Variants in ACSS3 observed in about 807,000 individuals in gnomAD.
ACSS3 encodes acyl-CoA synthetase short-chain family member 3, mitochondrial.
A neutral mutation model predicts 84.2 loss-of-function variants in ACSS3; 64 were observed. That is an observed-to-expected ratio of 0.76 (90% CI 0.62 to 0.94). The LOEUF (loss-of-function observed/expected upper bound fraction) is 0.94, where lower values mean the gene tolerates loss of function less well. ACSS3 is among the 40% of genes least tolerant of loss of function. ACSS3 has a pLI of 0.00. For missense variants in ACSS3, 815 were observed against 867.6 expected (o/e 0.94, Z 0.76); for synonymous variants, 317 against 310.1 (o/e 1.02, Z -0.23).
chr12:81,085,134 C>T lies in ACSS3; in HGVS notation c.311+6703C>T, dbSNP rs116106677. ...GAAGGGAATTTTGCTTGTTTTGAAG[C>T]CTACTGCTCAACAGGACTCCTTGTT... On this transcript the variant is annotated intron_variant, in intron 1 of 15. Transcript: ENST00000548058. Among the ~76,000 whole-genome samples the T allele has an allele frequency of 4.8e-4, 73 of 152,260 alleles. 1 individual carries two copies. The highest frequency in any genetic ancestry group is 1.7e-3 in the African/African-American group (69 of 41,558).
chr12:81,111,047 G>A (rs1053870407), intron 2 of ACSS3, among the ~76,000 whole-genome samples: 7 of 152,144 alleles, frequency 4.6e-5, no homozygotes, highest in Admixed American at 3.3e-4. Context: ...TTGCAAATAA[G>A]AGAGAAGAGT....
intron 11 of ACSS3, among the ~76,000 whole-genome samples, chr12:81,223,491 C>T (rs901097033): frequency 6.6e-6 from 1 of 151,996 alleles, no homozygotes; most frequent in Non-Finnish European, 1.5e-5. Context: ...TAATCCTGCT[C>T]CTTTCTAAAT....
intron 11 of ACSS3, among the ~76,000 whole-genome samples, chr12:81,220,293 A>G (rs1028121120): frequency 1.3e-5 from 2 of 152,080 alleles, no homozygotes; most frequent in Admixed American, 1.3e-4. Context: ...CAAATTTTGC[A>G]TATTTTTAAA....
At chr12:81,181,768 A>AAAAAAAAAAAAAAG (rs1555178623) in intron 8 of ACSS3, among the ~76,000 whole-genome samples, 3 of 143,608 alleles carry the variant, frequency 2.1e-5, no homozygotes, top group Admixed American at 1.4e-4. Context: ...AAAAAAAAAA[A>AAAAAAAAAAAAAAG]GCAATAGAGA....
At chr12:81,093,612 T>C (rs1248605003) in intron 1 of ACSS3, among the ~76,000 whole-genome samples, 3 of 152,028 alleles carry the variant, frequency 2.0e-5, no homozygotes, top group African/African-American at 7.2e-5. Context: ...AGTGTTTTTT[T>C]TTTGGAAATA....
chr12:81,231,956 G>C (rs532344697), intron 12 of ACSS3, among the ~76,000 whole-genome samples: 1 of 146,200 alleles, frequency 6.8e-6, no homozygotes, highest in South Asian at 2.1e-4. Context: ...CACTAAAAAA[G>C]TTTGCTGAAG....
chr12:81,115,548 G>A (rs182269104), intron 2 of ACSS3, among the ~76,000 whole-genome samples: 24 of 152,042 alleles, frequency 1.6e-4, no homozygotes, highest in East Asian at 3.9e-4. Flanking sequence ...CAATCCTCCC[G>A]TCTCAGCCTC....
At chr12:81,213,443 G>A (rs946961054) in intron 9 of ACSS3, among the ~76,000 whole-genome samples, 2 of 151,900 alleles carry the variant, frequency 1.3e-5, no homozygotes, top group South Asian at 2.1e-4. Context: ...CAACAACTAC[G>A]GTCTTTTTCA....
intron 13 of ACSS3, among the ~76,000 whole-genome samples, chr12:81,237,064 C>T (rs1246617907): frequency 1.3e-5 from 2 of 151,494 alleles, no homozygotes; most frequent in African/African-American, 4.8e-5. Flanking sequence ...TTAATCAAAA[C>T]TCTAATTCTT....
Position 81,160,181 on chromosome 12 carries a change from T to C in ACSS3, c.1098+8085T>C, listed in dbSNP as rs137973096. 1.8e-3 allele frequency among the ~76,000 whole-genome samples: 280 copies of C among 152,368 alleles called. 1 individual carries two copies. The highest frequency in any genetic ancestry group is 0.013 in the East Asian group (66 of 5,192). On this transcript the variant is annotated intron_variant, in intron 7 of 15. Coordinates refer to ENST00000548058, the MANE Select transcript of ACSS3 (RefSeq NM_024560.4). ...CTGGTTGGTATAATTGGTCTTGATA[T>C]AGCAGTTGTCATTTTTATGTAATAA...
At chr12:81,193,627 A>T (rs1198007972) in intron 8 of ACSS3, among the ~76,000 whole-genome samples, 1 of 151,972 alleles carries the variant, frequency 6.6e-6, no homozygotes, top group Non-Finnish European at 1.5e-5. Flanking sequence ...AAGTAGATAA[A>T]TCTTTCCATG....
At chr12:81,243,075 GT>G (rs1207040157) in intron 13 of ACSS3, among the ~76,000 whole-genome samples, 1 of 152,058 alleles carries the variant, frequency 6.6e-6, no homozygotes, top group African/African-American at 2.4e-5. Flanking sequence ...AATTGTCCCT[GT>G]TTGCAGATGA....
chr12:81,188,356 A>G (rs556132549), intron 8 of ACSS3, among the ~76,000 whole-genome samples: 98 of 152,188 alleles, frequency 6.4e-4, no homozygotes, highest in Middle Eastern at 3.4e-3. Flanking sequence ...ATACATTTAT[A>G]TTTTAACTTT....
At chr12:81,188,860 C>G (rs1447445436) in intron 8 of ACSS3, among the ~76,000 whole-genome samples, 1 of 152,122 alleles carries the variant, frequency 6.6e-6, no homozygotes, top group Non-Finnish European at 1.5e-5. Flanking sequence ...TATAGATACA[C>G]TGTGGAAGGA....
intron 4 of ACSS3, among the ~76,000 whole-genome samples, chr12:81,141,544 A>G (rs1566000312): frequency 6.6e-6 from 1 of 152,210 alleles, no homozygotes; most frequent in Non-Finnish European, 1.5e-5. Context: ...AAATGCATAT[A>G]TGTGAAAGTG....
chr12:81,199,120 T>A, intron 8 of ACSS3, among the ~76,000 whole-genome samples: 1 of 152,204 alleles, frequency 6.6e-6, no homozygotes. Flanking sequence ...TAGCTGTGAA[T>A]TCTACTTTGG....
intron 8 of ACSS3, among the ~76,000 whole-genome samples, chr12:81,185,716 A>G (rs111696917): frequency 0.012 from 1,788 of 151,954 alleles, 11 homozygotes; most frequent in Non-Finnish European, 0.019. Flanking sequence ...GAAAACACAA[A>G]TAAGTGGAAA....
rs1555245677 is a variant in ACSS3 at position 81,108,264 on chromosome 12, A to ATTAATT, written c.312-1296_312-1295insTTAATT. 2.2e-3 allele frequency among the ~76,000 whole-genome samples: 308 copies of ATTAATT among 142,320 alleles called. 2 individuals are homozygous for ATTAATT. The highest frequency in any genetic ancestry group is 9.6e-3 in the South Asian group (42 of 4,366). 93.4% of individuals were successfully genotyped at this position (142,320 alleles called of 152,430 possible). On this transcript the variant is annotated intron_variant, in intron 1 of 15. Coordinates refer to ENST00000548058, the MANE Select transcript of ACSS3 (RefSeq NM_024560.4). Reference sequence around the variant, plus strand: ...TTCTGTGGCTATTATTATTATTATTAATTATTATTATTATTATTATTATTG... The same window carrying ATTAATT: ...TTCTGTGGCTATTATTATTATTATTATTAATTATTATTATTATTATTATTATTATTG...
intron 2 of ACSS3, among the ~76,000 whole-genome samples, chr12:81,125,209 G>A (rs1055553512): frequency 3.3e-5 from 5 of 150,740 alleles, no homozygotes; most frequent in African/African-American, 9.9e-5. Context: ...GCGAGACTTC[G>A]TCTCAAAAAA....
Sources: allele counts gnomAD v4.1 joint callset (sites outside exome capture counted in the v4.1 genomes callset), GRCh38; gene constraint gnomAD v4.1.1; transcripts MANE v1.5; gene names NCBI Gene and HGNC (gene_info 2026-07-23, HGNC 2026-07-21).